GABRA2: variants seen among roughly 807,000 people sequenced by gnomAD.
GABRA2 encodes the protein gamma-aminobutyric acid type A receptor subunit alpha2, also known as gamma-aminobutyric acid receptor subunit alpha-2.
GABRA2 carries 16 observed loss-of-function variants against 48.7 expected under a neutral mutation model. The observed-to-expected ratio is 0.33, with a 90% CI of 0.22 to 0.50. The LOEUF (loss-of-function observed/expected upper bound fraction) is 0.50. Ranked by LOEUF, GABRA2 falls within the 20% of genes least tolerant of loss-of-function variation. The pLI is 0.98. For missense variants in GABRA2, 275 were observed against 535.6 expected, an observed-to-expected ratio of 0.51 and a Z score of 4.80; for synonymous variants, 185 against 184.5, an observed-to-expected ratio of 1.00 and a Z score of -0.02.
At chr4:46,385,680 C>T (rs1257298180) in intron 3 of GABRA2, among the ~76,000 whole-genome samples, 1 of 151,882 alleles carries the variant, frequency 6.6e-6, no homozygotes, top group Non-Finnish European at 1.5e-5. Flanking sequence ...TTTTATGTTC[C>T]TCATTTCTGT....
chr4:46,268,491 A>G (rs147924769), intron 8 of GABRA2, among the ~76,000 whole-genome samples: 7 of 152,072 alleles, frequency 4.6e-5, no homozygotes, highest in African/African-American at 1.4e-4. Flanking sequence ...ACCATAATGA[A>G]TATCACTTCA....
In GABRA2 at chr4:46,383,089, AAACTTG is replaced by A. The variant is rs564288923; in HGVS notation, c.187+2979_187+2984del. ...GCAGAGGTAATTATGATAATAATTTAAACTTGAAACAGTACATTTAGCAAGTTCTTC... is the reference window on the plus strand; with the variant it reads ...GCAGAGGTAATTATGATAATAATTTAAAACAGTACATTTAGCAAGTTCTTC... On this transcript the variant is annotated intron_variant, in intron 3 of 9. Transcript: ENST00000381620. Among the ~76,000 whole-genome samples the A allele has an allele frequency of 7.0e-4, 106 of 152,334 alleles. No homozygotes were observed. In the South Asian group the frequency reaches 8.5e-3, roughly 12 times the overall value.
chr4:46,387,445 C>T (rs1211930961), intron 2 of GABRA2, among the ~76,000 whole-genome samples: 1 of 152,126 alleles, frequency 6.6e-6, no homozygotes, highest in East Asian at 1.9e-4. Context: ...CAAATATTGT[C>T]TTAAGAGCAG....
At chr4:46,371,210 G>C (rs1172309129) in intron 3 of GABRA2, among the ~76,000 whole-genome samples, 2 of 152,106 alleles carry the variant, frequency 1.3e-5, no homozygotes, top group Non-Finnish European at 2.9e-5. Flanking sequence ...CTCTAGGTTT[G>C]TAAAGTGGTC....
chr4:46,251,699 A>ATT (rs1329478842), intron 9 of GABRA2, among the ~76,000 whole-genome samples: 1 of 151,288 alleles, frequency 6.6e-6, no homozygotes, highest in Non-Finnish European at 1.5e-5. Context: ...TAACACTCTA[A>ATT]TTTGTTTCCA....
chr4:46,325,779 A>G (rs1015843832), intron 4 of GABRA2, among the ~76,000 whole-genome samples: 3 of 152,018 alleles, frequency 2.0e-5, no homozygotes, highest in African/African-American at 7.2e-5. Flanking sequence ...GTCCAGTTTC[A>G]GTCTTCTGCA....
chr4:46,264,999 A>ATATATATATATATATATATATATG (rs1337931857), intron 8 of GABRA2, among the ~76,000 whole-genome samples: 1 of 141,548 alleles, frequency 7.1e-6, no homozygotes, highest in Non-Finnish European at 1.5e-5. Flanking sequence ...ATATATATAT[A>ATATATATATATATATATATATATG]TATGTATAAA....
intron 4 of GABRA2, among the ~76,000 whole-genome samples, chr4:46,315,159 T>G (rs751606702): frequency 8.9e-5 from 13 of 146,542 alleles, no homozygotes; most frequent in Non-Finnish European, 2.0e-4. Flanking sequence ...TTTTTCTAAC[T>G]TTTTAATAAT....
At chr4:46,279,282 A>G (rs1226064020) in intron 8 of GABRA2, among the ~76,000 whole-genome samples, 1 of 152,162 alleles carries the variant, frequency 6.6e-6, no homozygotes. Flanking sequence ...CTCCCGTTGA[A>G]TTGATGAATG....
intron 9 of GABRA2, among the ~76,000 whole-genome samples, chr4:46,250,812 C>G (rs1714601207): frequency 6.6e-6 from 1 of 151,534 alleles, no homozygotes; most frequent in Non-Finnish European, 1.5e-5. Context: ...AGTGGTACCA[C>G]TTTCTTGAGG....
In GABRA2 at chr4:46,314,849, T is replaced by C. The variant is rs1199640163; in HGVS notation, c.256-2133A>G. On this transcript the variant is annotated intron_variant, in intron 4 of 9. Transcript: ENST00000381620. ...TCTTTTAAGGCTTCCTAACATCCCA[T>C]AGTGTAGATGAATCGAATTTTCTTT... 2.0e-5 allele frequency among the ~76,000 whole-genome samples: 3 copies of C among 152,136 alleles called. No homozygotes were observed. The East Asian group carries it at 5.8e-4, about 29-fold the overall frequency.
At chr4:46,325,130 A>G (rs1428976898) in intron 4 of GABRA2, among the ~76,000 whole-genome samples, 1 of 151,940 alleles carries the variant, frequency 6.6e-6, no homozygotes, top group Non-Finnish European at 1.5e-5. Context: ...TGGGTCATAT[A>G]GTAGTTCTGT....
intron 8 of GABRA2, among the ~76,000 whole-genome samples, chr4:46,298,132 G>T (rs1725088852): frequency 6.6e-6 from 1 of 152,058 alleles, no homozygotes; most frequent in Non-Finnish European, 1.5e-5. Context: ...AATTTATTGA[G>T]AATTCCTTAT....
At chr4:46,261,353 T>A (rs1446205609) in intron 9 of GABRA2, 1 of 153,168 alleles carries the variant, frequency 6.5e-6, no homozygotes, top group Admixed American at 6.5e-5. Flanking sequence ...TTTAAAAAAA[T>A]GCTATCCGGG....
chr4:46,357,666 CTTTTTTT>C (rs530230630), intron 3 of GABRA2, among the ~76,000 whole-genome samples: 1 of 133,082 alleles, frequency 7.5e-6, no homozygotes, highest in Non-Finnish European at 1.6e-5. Flanking sequence ...TATTTTCTTT[CTTTTTTT>C]TTTTTTTTTT....
In GABRA2 at chr4:46,267,063, C is replaced by G. The variant is rs149288486; in HGVS notation, c.857-4935G>C. On this transcript the variant is annotated intron_variant, in intron 8 of 9. Transcript: ENST00000381620. Reference sequence around the variant, plus strand: ...TCACCTTTCTCTTTCTACTCTTGTTCTGTGACTACAGTATATTCATGTGTT... The same window carrying G: ...TCACCTTTCTCTTTCTACTCTTGTTGTGTGACTACAGTATATTCATGTGTT... Among the ~76,000 whole-genome samples the G allele has an allele frequency of 6.0e-3, 912 of 152,032 alleles. 13 individuals carry two copies. The highest frequency in any genetic ancestry group is 0.021 in the African/African-American group (864 of 41,480).
chr4:46,359,346 A>T (rs1465426064), intron 3 of GABRA2, among the ~76,000 whole-genome samples: 6 of 152,176 alleles, frequency 3.9e-5, no homozygotes, highest in Non-Finnish European at 7.4e-5. Flanking sequence ...AGCACTTAAG[A>T]TTCTCTGACA....
intron 3 of GABRA2, among the ~76,000 whole-genome samples, chr4:46,341,158 C>T (rs1733155819): frequency 6.6e-6 from 1 of 151,886 alleles, no homozygotes; most frequent in Non-Finnish European, 1.5e-5. Context: ...ATTATTTAGA[C>T]ATTGTTTCCT....
At chr4:46,262,585 A>G (rs546064958) in intron 8 of GABRA2, among the ~76,000 whole-genome samples, 1 of 152,262 alleles carries the variant, frequency 6.6e-6, no homozygotes, top group East Asian at 1.9e-4. Context: ...AGAAGTAATC[A>G]TGAAGGAACC....
Sources: allele counts gnomAD v4.1 joint callset (sites outside exome capture counted in the v4.1 genomes callset), GRCh38; gene constraint gnomAD v4.1.1; transcripts MANE v1.5; gene names NCBI Gene and HGNC (gene_info 2026-07-23, HGNC 2026-07-21).